KCNH8: variants seen among roughly 807,000 people sequenced by gnomAD.
KCNH8 encodes potassium voltage-gated channel subfamily H member 8.
In KCNH8, 70 loss-of-function variants were observed where a neutral mutation model predicts 103.6. The observed-to-expected ratio is 0.68, with a 90% confidence interval of 0.56 to 0.82. The LOEUF is 0.82. Ranked by LOEUF, KCNH8 falls within the 40% of genes least tolerant of loss-of-function variation. The pLI, the probability that KCNH8 is intolerant of heterozygous loss-of-function variation, is 0.00. For missense variants in KCNH8, 1,217 were observed against 1,329.9 expected, an observed-to-expected ratio of 0.92 and a Z score of 1.32; for synonymous variants, 498 against 489.4, an observed-to-expected ratio of 1.02 and a Z score of -0.23.
At position 19,169,373 on chromosome 3, in the gene KCNH8, T is replaced by C. The variant is rs183184371; in HGVS notation, c.76+20578T>C. ...TCCCGGGTTCACGCCATTCTCCTGCTTCAGCCTCCCGAGTACCTGGGACTA... is the reference window on the plus strand; with the variant it reads ...TCCCGGGTTCACGCCATTCTCCTGCCTCAGCCTCCCGAGTACCTGGGACTA... On this transcript the variant is annotated intron_variant, in intron 1 of 15. Coordinates refer to ENST00000328405, the MANE Select transcript of KCNH8 (RefSeq NM_144633.3). Among the ~76,000 whole-genome samples the C allele has an allele frequency of 5.9e-3, 895 of 151,582 alleles. 6 individuals carry two copies. Among genetic ancestry groups the C allele is most frequent in the African/African-American group, 8.6e-3 (355 of 41,356 alleles).
intron 5 of KCNH8, among the ~76,000 whole-genome samples, chr3:19,389,257 TG>T (rs1205667217): frequency 6.6e-6 from 1 of 152,214 alleles, no homozygotes. Context: ...TTCAAAAGGC[TG>T]ACATCAAAAT....
chr3:19,360,073 A>C (rs1221290709), intron 5 of KCNH8, among the ~76,000 whole-genome samples: 1 of 152,058 alleles, frequency 6.6e-6, no homozygotes, highest in Non-Finnish European at 1.5e-5. Flanking sequence ...CAAAAGCCTA[A>C]AGGAGGTCAT....
At chr3:19,326,967 A>C (rs1227855641) in intron 3 of KCNH8, among the ~76,000 whole-genome samples, 1 of 152,154 alleles carries the variant, frequency 6.6e-6, no homozygotes, top group South Asian at 2.1e-4. Flanking sequence ...GTGTCTTAAC[A>C]GGGCCCTTAA....
chr3:19,476,732 A>G (rs757024906), intron 11 of KCNH8, among the ~76,000 whole-genome samples: 5 of 152,088 alleles, frequency 3.3e-5, no homozygotes, highest in Non-Finnish European at 7.4e-5. Context: ...TTCACATAAT[A>G]GTGTGTATTT....
intron 5 of KCNH8, among the ~76,000 whole-genome samples, chr3:19,375,623 A>G (rs1338397902): frequency 1.3e-5 from 2 of 152,090 alleles, no homozygotes; most frequent in Non-Finnish European, 2.9e-5. Flanking sequence ...GTCATTCTCC[A>G]TCCAGCTTTG....
intron 1 of KCNH8, among the ~76,000 whole-genome samples, chr3:19,244,060 A>C (rs1345947846): frequency 6.6e-6 from 1 of 152,172 alleles, no homozygotes; most frequent in African/African-American, 2.4e-5. Context: ...ATAAACTTCT[A>C]AAAGAAGTTT....
chr3:19,299,649 T>A (rs1001911911), intron 3 of KCNH8, among the ~76,000 whole-genome samples: 8 of 151,282 alleles, frequency 5.3e-5, no homozygotes, highest in Non-Finnish European at 8.8e-5. Flanking sequence ...TAAAAAAAAA[T>A]AAAACAAAAA....
chr3:19,275,314 A>G (rs927984130), intron 2 of KCNH8, among the ~76,000 whole-genome samples: 2 of 152,066 alleles, frequency 1.3e-5, no homozygotes, highest in Non-Finnish European at 2.9e-5. Context: ...ATTTTTCATT[A>G]AACATTGAAA....
At chr3:19,505,524 A>G (rs1459745292) in intron 11 of KCNH8, among the ~76,000 whole-genome samples, 1 of 152,130 alleles carries the variant, frequency 6.6e-6, no homozygotes, top group Non-Finnish European at 1.5e-5. Flanking sequence ...TTCTACTGAA[A>G]GGTCTGCTGT....
At chr3:19,217,602 A>G (rs1211303796) in intron 1 of KCNH8, among the ~76,000 whole-genome samples, 1 of 152,196 alleles carries the variant, frequency 6.6e-6, no homozygotes, top group Non-Finnish European at 1.5e-5. Flanking sequence ...TTCTATTATT[A>G]TTCCTGTGTT....
chr3:19,409,825 A>T (rs926018042), intron 7 of KCNH8, among the ~76,000 whole-genome samples: 1 of 152,208 alleles, frequency 6.6e-6, no homozygotes, highest in Admixed American at 6.6e-5. Flanking sequence ...AGACTTGACT[A>T]TCATAAGTAT....
In KCNH8 at chr3:19,310,737, T is replaced by C. The variant is rs986777021; in HGVS notation, c.442+29408T>C. Among the ~76,000 whole-genome samples, 3 of 151,994 alleles carry C rather than the reference T, an allele frequency of 2.0e-5. No homozygotes were observed. In the South Asian group the frequency reaches 6.2e-4, roughly 31 times the overall value. On this transcript the variant is annotated intron_variant, in intron 3 of 15. Coordinates refer to ENST00000328405, the MANE Select transcript of KCNH8 (RefSeq NM_144633.3). ...ACAGAGTAATTTTATGAATATATCG[T>C]AAAATCGTATAATGGTGCCTACAAA...
intron 1 of KCNH8, among the ~76,000 whole-genome samples, chr3:19,234,417 G>A (rs1336340322): frequency 1.3e-5 from 2 of 152,228 alleles, no homozygotes; most frequent in Non-Finnish European, 2.9e-5. Flanking sequence ...TGCAGGTCCC[G>A]AGCCCTGCCC....
chr3:19,169,740 C>A (rs911907192), intron 1 of KCNH8, among the ~76,000 whole-genome samples: 2 of 152,162 alleles, frequency 1.3e-5, no homozygotes, highest in Non-Finnish European at 2.9e-5. Context: ...TTATATTATC[C>A]TGTTTTATAA....
At chr3:19,490,532 T>C (rs1249514432) in intron 11 of KCNH8, among the ~76,000 whole-genome samples, 2 of 152,180 alleles carry the variant, frequency 1.3e-5, no homozygotes, top group Non-Finnish European at 2.9e-5. Flanking sequence ...CTGTAATCTA[T>C]AGATAATATA....
chr3:19,184,988 T>C (rs772751241), intron 1 of KCNH8, among the ~76,000 whole-genome samples: 14 of 151,944 alleles, frequency 9.2e-5, no homozygotes, highest in Non-Finnish European at 1.5e-4. Flanking sequence ...AGTAGTGCAT[T>C]ATATAGATAT....
At chr3:19,162,093 A>G (rs1397874381) in intron 1 of KCNH8, among the ~76,000 whole-genome samples, 1 of 152,168 alleles carries the variant, frequency 6.6e-6, no homozygotes, top group Admixed American at 6.6e-5. Context: ...ATTTTATTTG[A>G]AATCACTTGA....
At chr3:19,347,668 A>G in intron 4 of KCNH8, 57 bp from the exon 5 acceptor site, 3 of 1,593,032 alleles carry the variant, frequency 1.9e-6, no homozygotes, top group South Asian at 1.1e-5. Flanking sequence ...CAAGCTATGT[A>G]ATCCTTGTTT....
chr3:19,384,695 A>T (rs2066333582), intron 5 of KCNH8, among the ~76,000 whole-genome samples: 1 of 152,170 alleles, frequency 6.6e-6, no homozygotes, highest in Admixed American at 6.5e-5. Context: ...GAGTAACAAG[A>T]ACTCTGAAAA....
Sources: gnomAD v4.1 joint callset for allele counts (sites outside exome capture counted in the v4.1 genomes callset) on GRCh38, gnomAD v4.1.1 for gene constraint, MANE v1.5 for transcripts, NCBI Gene and HGNC (gene_info 2026-07-23, HGNC 2026-07-21) for gene names.